The following GRIK3 variants were observed in gnomAD, a reference collection of about 807,000 sequenced individuals.
The protein encoded by GRIK3 is glutamate ionotropic receptor kainate type subunit 3, also known as glutamate receptor ionotropic, kainate 3.
In GRIK3, 29 loss-of-function variants were observed where a neutral mutation model predicts 102.5. The observed-to-expected ratio is 0.28, with a 90% CI of 0.21 to 0.39. GRIK3 has a LOEUF of 0.39. Ranked by LOEUF, GRIK3 falls within the 10% of genes least tolerant of loss-of-function variation. The pLI is 1.00. For missense variants in GRIK3, 908 were observed against 1,252.4 expected (o/e 0.73, Z 4.15); for synonymous variants, 511 against 504.9 (o/e 1.01, Z -0.16).
At chr1:36,861,082 G>A (rs1346984587) in intron 5 of GRIK3, among the ~76,000 whole-genome samples, 1 of 152,148 alleles carries the variant, frequency 6.6e-6, no homozygotes, top group African/African-American at 2.4e-5. Flanking sequence ...ATCCAACCTA[G>A]AAGTCTTAGT....
intron 10 of GRIK3, among the ~76,000 whole-genome samples, chr1:36,830,509 TAAG>T (rs1640258806): frequency 6.6e-6 from 1 of 152,026 alleles, no homozygotes; most frequent in African/African-American, 2.4e-5. Context: ...GGTGTCCGTA[TAAG>T]AAGAGGAAAA....
chr1:36,928,619 T>C (rs1238133366), intron 1 of GRIK3, among the ~76,000 whole-genome samples: 1 of 152,234 alleles, frequency 6.6e-6, no homozygotes. Context: ...GAGCCAGGCC[T>C]GGCAATAAAG....
intron 13 of GRIK3, among the ~76,000 whole-genome samples, chr1:36,808,340 C>G (rs1161988738): frequency 6.6e-6 from 1 of 152,210 alleles, no homozygotes; most frequent in Non-Finnish European, 1.5e-5. Context: ...TGTGTAATCC[C>G]CTCTTCTTGA....
In GRIK3 at chr1:36,854,562, C is replaced by A. The variant is rs1174093652; in HGVS notation, c.1105-840G>T. Among the ~76,000 whole-genome samples the A allele has an allele frequency of 3.9e-5, 6 of 152,280 alleles. No individual in the cohort carries two copies. In the East Asian group the frequency reaches 1.2e-3, roughly 29 times the overall value. On this transcript the variant is annotated intron_variant, in intron 7 of 15. Coordinates refer to ENST00000373091, the MANE Select transcript of GRIK3 (RefSeq NM_000831.4). ...TCCTATGGCTAGCGGGTCAACCTGG[C>A]CCCTGGCTGCTTCTGTAAATGGTTT... is the stretch of plus-strand genomic sequence containing the variant.
rs75998134 is a variant in GRIK3, at chr1:36,880,509, A to G, written c.550+125T>C. On this transcript the variant is annotated intron_variant, in intron 3 of 15. Transcript: ENST00000373091. The surrounding 1 kb of genome is among the most constrained non-coding windows in gnomAD (Gnocchi z 5.4). ...GTGAACATCAGCATAACCGAGTGGA[A>G]CTGGGGTATGGAACACAGCCTCTTC... 5.7e-3 allele frequency: 5,372 copies of G among 939,692 alleles called. 184 individuals carry two copies. In the African/African-American group the frequency reaches 0.075, roughly 13 times the overall value. The allele number at this position is 939,692 out of a possible 1,614,324, so 58.2% of individuals were successfully genotyped here.
chr1:37,016,132 C>T (rs1455534447), intron 1 of GRIK3, among the ~76,000 whole-genome samples: 4 of 152,190 alleles, frequency 2.6e-5, no homozygotes, highest in Non-Finnish European at 4.4e-5. Context: ...TAGAAGTTTC[C>T]CACCTGGCCC....
intron 1 of GRIK3, among the ~76,000 whole-genome samples, chr1:36,971,644 A>C (rs1041507950): frequency 6.6e-6 from 1 of 152,156 alleles, no homozygotes; most frequent in Admixed American, 6.5e-5. Flanking sequence ...GCCTCTTAGA[A>C]GTTCTTGGCA....
chr1:36,992,306 G>A (rs1642371380), intron 1 of GRIK3, among the ~76,000 whole-genome samples: 1 of 152,168 alleles, frequency 6.6e-6, no homozygotes, highest in South Asian at 2.1e-4. Flanking sequence ...CCTGCAGGCA[G>A]GGAGAGGCTG....
In GRIK3 at chr1:37,034,019, G is replaced by A. The variant is rs371142446; in HGVS notation, c.90C>T (p.Arg30=). ...CGATCCGGATGACGTGGGGCATCCC[G>A]CGCGAGTCCGGGATCCAGAAGGCGC... The part of the protein sequence containing the change: ...LVCAFWIPDS[R]GMPHVIRIGG... The change falls in exon 1 of 16, where the codon CGC becomes CGT. Residue 30 remains arginine, a synonymous_variant. Transcript: ENST00000373091. The A allele has an allele frequency of 1.0e-5, 16 of 1,600,422 alleles. No homozygotes were observed. Among genetic ancestry groups the A allele is most frequent in the Non-Finnish European group, 1.2e-5 (14 of 1,173,798 alleles).
chr1:36,925,877 T>G (rs2124308570), intron 1 of GRIK3, among the ~76,000 whole-genome samples: 1 of 152,328 alleles, frequency 6.6e-6, no homozygotes, highest in Admixed American at 6.5e-5. Context: ...CTGGTCCACT[T>G]GGGGACCTGG....
chr1:36,959,391 C>T (rs74767480), intron 1 of GRIK3, among the ~76,000 whole-genome samples: 3 of 106,952 alleles, frequency 2.8e-5, no homozygotes, highest in South Asian at 3.6e-4. Context: ...GCCCTGTGAG[C>T]CTGCACCCCA....
intron 1 of GRIK3, among the ~76,000 whole-genome samples, chr1:36,895,618 G>T (rs1311465450): frequency 2.0e-5 from 3 of 152,072 alleles, no homozygotes; most frequent in Non-Finnish European, 4.4e-5. Flanking sequence ...ACTGGAAGAA[G>T]AAAACAGAAT....
At chr1:36,914,089 C>A (rs142220626) in intron 1 of GRIK3, among the ~76,000 whole-genome samples, 4 of 152,286 alleles carry the variant, frequency 2.6e-5, no homozygotes, top group African/African-American at 9.6e-5. Context: ...CCCACGGTGC[C>A]GGGGCAGGTG....
intron 1 of GRIK3, among the ~76,000 whole-genome samples, chr1:36,997,825 A>C (rs1642436337): frequency 6.6e-6 from 1 of 152,158 alleles, no homozygotes. Flanking sequence ...GACCAGATAC[A>C]GCCTGGGAGG....
intron 1 of GRIK3, among the ~76,000 whole-genome samples, chr1:36,929,589 C>A (rs868274881): frequency 2.0e-5 from 3 of 152,234 alleles, no homozygotes; most frequent in Middle Eastern, 6.8e-3. Flanking sequence ...AAATAGCTTT[C>A]TTTATTTCAG....
chr1:36,880,967 G>A lies in GRIK3; in HGVS notation c.293-76C>T. On this transcript the variant is annotated intron_variant, in intron 2 of 15. Transcript: ENST00000373091. The surrounding 1 kb of genome is among the most constrained non-coding windows in gnomAD (Gnocchi z 5.4). ...TGGGGACAGTGATGCTGATGATCCT[G>A]TAAACATGTGGGAAAAACAGCAACT... is the stretch of plus-strand genomic sequence containing the variant. 4 of 1,462,796 alleles carry A rather than the reference G, an allele frequency of 2.7e-6. No homozygotes were observed. The highest frequency in any genetic ancestry group is 3.7e-6 in the Non-Finnish European group (4 of 1,086,992). 90.6% of individuals were successfully genotyped at this position (1,462,796 alleles called of 1,614,324 possible).
In GRIK3 at chr1:37,004,436, T is replaced by C. The variant is rs190031639; in HGVS notation, c.115+29558A>G. ...TGACCCCAGAAGAACCAGGGAGAAATTGAGCTTCGGGTTGTGGAGGGCAGT... is the reference window on the plus strand; with the variant it reads ...TGACCCCAGAAGAACCAGGGAGAAACTGAGCTTCGGGTTGTGGAGGGCAGT... On this transcript the variant is annotated intron_variant, in intron 1 of 15. Transcript: ENST00000373091. Among the ~76,000 whole-genome samples the C allele has an allele frequency of 3.3e-5, 5 of 152,168 alleles. No homozygotes were observed. The East Asian group carries it at 9.7e-4, about 29-fold the overall frequency.
intron 10 of GRIK3, among the ~76,000 whole-genome samples, chr1:36,832,698 C>T (rs1290376182): frequency 6.6e-6 from 1 of 152,250 alleles, no homozygotes; most frequent in African/African-American, 2.4e-5. Context: ...CAGCAAGCTC[C>T]ATCCCTATGC....
intron 1 of GRIK3, among the ~76,000 whole-genome samples, chr1:36,998,019 A>G (rs34132079): frequency 6.6e-6 from 1 of 152,274 alleles, no homozygotes. Context: ...AGAGCATAGA[A>G]CAATGCCTGG....
Sources: gnomAD v4.1 joint callset for allele counts (sites outside exome capture counted in the v4.1 genomes callset) on GRCh38, gnomAD v4.1.1 for gene constraint, Gnocchi (gnomAD v3.1) non-coding constraint, MANE v1.5 for transcripts, NCBI Gene and HGNC (gene_info 2026-07-23, HGNC 2026-07-21) for gene names.